CASZ1: variants seen among roughly 807,000 people sequenced by gnomAD.
The protein encoded by CASZ1 is castor zinc finger 1.
In CASZ1, 28 loss-of-function variants were observed where a neutral mutation model predicts 135.2. The ratio of observed to expected loss-of-function variants is 0.21; its 90% CI spans 0.15 to 0.28. The LOEUF (loss-of-function observed/expected upper bound fraction) is 0.28, where lower values mean the gene tolerates loss of function less well. Among genes scored for constraint, CASZ1 ranks in the 10% least tolerant of loss-of-function variants. The pLI is 1.00. For synonymous variants in CASZ1, 1,068 were observed against 1,073.4 expected, an observed-to-expected ratio of 0.99 and a Z score of 0.10; for missense variants, 2,161 against 2,453.3, an observed-to-expected ratio of 0.88 and a Z score of 2.52.
chr1:10,648,823 G>A (rs764172494), intron 15 of CASZ1: 1 of 525,464 alleles, frequency 1.9e-6, no homozygotes, highest in Non-Finnish European at 3.4e-6. Flanking sequence ...CTGGGGACGT[G>A]GGTGCAGCAG....
chr1:10,658,381 G>C (rs541067812), intron 7 of CASZ1, 127 bp downstream of exon 7: 4 of 728,040 alleles, frequency 5.5e-6, no homozygotes, highest in Non-Finnish European at 9.5e-6. Flanking sequence ...GACCGAAGTG[G>C]ATGGGGATGG....
At chr1:10,641,719 C>G (rs780563404) in intron 20 of CASZ1, among the ~76,000 whole-genome samples, 1 of 152,180 alleles carries the variant, frequency 6.6e-6, no homozygotes, top group Non-Finnish European at 1.5e-5. Flanking sequence ...TGCCCCAGGC[C>G]GAGGAAGGCA....
rs1639593334 is a variant in CASZ1 at position 10,726,148 on chromosome 1, C to T, written c.-76-20604G>A. The stretch of plus-strand genomic sequence containing the variant: ...CTACTACTGCTGCTACTACCACCAG[C>T]ATGACCATTAATTGTTAGTGTTTAT... On this transcript the variant is annotated intron_variant, in intron 2 of 20. Transcript: ENST00000377022. The surrounding 1 kb of genome is among the most constrained non-coding windows in gnomAD (Gnocchi z 5.7). 6.6e-6 allele frequency among the ~76,000 whole-genome samples: 1 copy of T among 152,230 alleles called. No individual in the cohort carries two copies. The highest frequency in any genetic ancestry group is 6.5e-5 in the Admixed American group (1 of 15,282).
rs2100485819 is a variant in CASZ1 at position 10,721,478 on chromosome 1, CTGAT to C, written c.-76-15938_-76-15935del. On this transcript the variant is annotated intron_variant, in intron 2 of 20. Coordinates refer to ENST00000377022, the MANE Select transcript of CASZ1 (RefSeq NM_001079843.3). This position sits in a 1 kb window ranked among gnomAD's most constrained non-coding sequence, Gnocchi z 5.4. Reference sequence around the variant, plus strand: ...TTAACCAAAACACTAATTGCTGTGACTGATTGTCACATATCATCATTTTCATAGG... The same window carrying C: ...TTAACCAAAACACTAATTGCTGTGACTGTCACATATCATCATTTTCATAGG... Among the ~76,000 whole-genome samples the C allele has an allele frequency of 6.6e-6, 1 of 152,316 alleles. No individual in the cohort carries two copies. The highest frequency in any genetic ancestry group is 2.4e-5 in the African/African-American group (1 of 41,566).
At chr1:10,695,055 G>T (rs1266889466) in intron 3 of CASZ1, among the ~76,000 whole-genome samples, 13 of 151,044 alleles carry the variant, frequency 8.6e-5, no homozygotes, top group Non-Finnish European at 4.4e-5. Context: ...CCGCCAGGCC[G>T]CGCGCTTCCC....
intron 2 of CASZ1, among the ~76,000 whole-genome samples, chr1:10,732,952 G>A (rs961955751): frequency 2.0e-5 from 3 of 152,152 alleles, no homozygotes; most frequent in African/African-American, 7.2e-5. Flanking sequence ...ACTGGTCCCT[G>A]GGGGTAACCA....
At chr1:10,668,233 C>G (rs1643296883) in intron 4 of CASZ1, among the ~76,000 whole-genome samples, 1 of 152,142 alleles carries the variant, frequency 6.6e-6, no homozygotes, top group Non-Finnish European at 1.5e-5. Context: ...CCCTGGGATC[C>G]ATAGACGATC....
At chr1:10,787,057 C>T (rs1640872233) in intron 1 of CASZ1, among the ~76,000 whole-genome samples, 3 of 152,188 alleles carry the variant, frequency 2.0e-5, no homozygotes, top group Admixed American at 2.0e-4. Flanking sequence ...ATAAATTCTT[C>T]GTTACGTTTA....
At chr1:10,667,111 C>T (rs562372626) in intron 4 of CASZ1, among the ~76,000 whole-genome samples, 27 of 152,354 alleles carry the variant, frequency 1.8e-4, no homozygotes, top group Non-Finnish European at 3.4e-4. Context: ...GCCAGGAAAC[C>T]CGATGAGAGG....
At chr1:10,754,970 G>A (rs1341385124) in intron 2 of CASZ1, among the ~76,000 whole-genome samples, 4 of 152,212 alleles carry the variant, frequency 2.6e-5, no homozygotes. Flanking sequence ...TTGGCCACGG[G>A]GGTCCCAACC....
chr1:10,784,764 C>G (rs1373086112), intron 1 of CASZ1, among the ~76,000 whole-genome samples: 1 of 152,164 alleles, frequency 6.6e-6, no homozygotes, highest in Non-Finnish European at 1.5e-5. Context: ...CGGGGTTTCA[C>G]CATGTTGGCC....
At chr1:10,686,409 G>A (rs1036569151) in intron 4 of CASZ1, among the ~76,000 whole-genome samples, 1 of 152,220 alleles carries the variant, frequency 6.6e-6, no homozygotes, top group African/African-American at 2.4e-5. Flanking sequence ...GGCAGCCCTG[G>A]GGGGGCTTGT....
At chr1:10,673,098 C>T (rs544614248) in intron 4 of CASZ1, among the ~76,000 whole-genome samples, 4 of 150,654 alleles carry the variant, frequency 2.7e-5, no homozygotes, top group South Asian at 2.1e-4. Context: ...GCCTGGGGAC[C>T]GGGAGGGCCC....
chr1:10,691,096 C>T (rs684096), intron 4 of CASZ1, among the ~76,000 whole-genome samples: 25,578 of 127,642 alleles, frequency 0.2, 4,268 homozygotes, highest in African/African-American at 0.47. Context: ...TCCCTCCCTC[C>T]CTCTCTTTCC....
chr1:10,677,754 C>T (rs1638269100), intron 4 of CASZ1, among the ~76,000 whole-genome samples: 1 of 152,260 alleles, frequency 6.6e-6, no homozygotes, highest in Non-Finnish European at 1.5e-5. Context: ...TGTTTCAAAG[C>T]AGAGCTTTCC....
intron 4 of CASZ1, 148 bp downstream of exon 4, chr1:10,693,726 C>A (rs1019947847): frequency 1.3e-6 from 1 of 774,232 alleles, no homozygotes; most frequent in South Asian, 1.5e-5. Context: ...TCGCCGATCC[C>A]GAGGCCGGGA....
At chr1:10,778,722 C>T (rs1557566531) in intron 1 of CASZ1, among the ~76,000 whole-genome samples, 1 of 152,158 alleles carries the variant, frequency 6.6e-6, no homozygotes. Context: ...GCTCTTGATC[C>T]GTGTGGAATT....
chr1:10,686,834 C>T (rs888789211), intron 4 of CASZ1, among the ~76,000 whole-genome samples: 5 of 152,234 alleles, frequency 3.3e-5, no homozygotes, highest in African/African-American at 1.2e-4. Flanking sequence ...GGCCAGAAGG[C>T]CTGGACCAGG....
Position 10,707,012 on chromosome 1 carries a change from C to A in CASZ1, c.-76-1468G>T, listed in dbSNP as rs1639191139. Among the ~76,000 whole-genome samples, 1 of 152,046 alleles carries A rather than the reference C, an allele frequency of 6.6e-6. No homozygotes were observed. Among genetic ancestry groups the A allele is most frequent in the Admixed American group, 6.5e-5 (1 of 15,274 alleles). On this transcript the variant is annotated intron_variant, in intron 2 of 20. Transcript: ENST00000377022. The surrounding 1 kb of genome is among the most constrained non-coding windows in gnomAD (Gnocchi z 5.0). ...GGGTCACAGGGTCCGGGGATGGAGA[C>A]CCCCAGGCCTCCACTGCAAGGCACC...
Sources: allele counts gnomAD v4.1 joint callset (sites outside exome capture counted in the v4.1 genomes callset), GRCh38; gene constraint gnomAD v4.1.1; non-coding constraint Gnocchi (gnomAD v3.1); transcripts MANE v1.5; gene names NCBI Gene and HGNC (gene_info 2026-07-23, HGNC 2026-07-21).